Variants in SEMA5A observed in about 807,000 individuals in gnomAD.
The protein encoded by SEMA5A is semaphorin-5A.
A neutral mutation model predicts 135.5 loss-of-function variants in SEMA5A; 55 were observed. The ratio of observed to expected loss-of-function variants is 0.41; its 90% CI spans 0.33 to 0.51. The LOEUF (loss-of-function observed/expected upper bound fraction) is 0.51. Ranked by LOEUF, SEMA5A falls within the 20% of genes least tolerant of loss-of-function variation. SEMA5A has a pLI of 0.37. For synonymous variants in SEMA5A, 580 were observed against 546.5 expected, an observed-to-expected ratio of 1.06 and a Z score of -0.85; for missense variants, 1,290 against 1,419.9, an observed-to-expected ratio of 0.91 and a Z score of 1.47.
intron 5 of SEMA5A, among the ~76,000 whole-genome samples, chr5:9,244,168 A>G (rs1464251071): frequency 6.6e-6 from 1 of 152,232 alleles, no homozygotes; most frequent in Non-Finnish European, 1.5e-5. Flanking sequence ...CATCTTCTGT[A>G]TAAGAACACA....
chr5:9,404,144 G>A (rs149534784), intron 2 of SEMA5A, among the ~76,000 whole-genome samples: 3 of 152,250 alleles, frequency 2.0e-5, no homozygotes, highest in South Asian at 4.2e-4. Context: ...ATGTTGGCTA[G>A]GCTGGTCTTG....
intron 2 of SEMA5A, among the ~76,000 whole-genome samples, chr5:9,397,080 A>C (rs1341661911): frequency 6.6e-6 from 1 of 152,186 alleles, no homozygotes; most frequent in Non-Finnish European, 1.5e-5. Context: ...AAAGAAGACA[A>C]AATAAAATCA....
intron 8 of SEMA5A, among the ~76,000 whole-genome samples, chr5:9,205,514 G>T (rs1210728089): frequency 2.0e-5 from 3 of 151,998 alleles, no homozygotes; most frequent in Non-Finnish European, 4.4e-5. Context: ...ATCCACTTTT[G>T]CAGACAAGGA....
At chr5:9,402,156 CA>C (rs981097129) in intron 2 of SEMA5A, among the ~76,000 whole-genome samples, 17 of 152,158 alleles carry the variant, frequency 1.1e-4, no homozygotes, top group Non-Finnish European at 5.9e-5. Context: ...GTAATTACTA[CA>C]ATTAACAAGG....
intron 13 of SEMA5A, among the ~76,000 whole-genome samples, chr5:9,127,119 T>C (rs986696915): frequency 1.3e-5 from 2 of 152,212 alleles, no homozygotes; most frequent in Non-Finnish European, 2.9e-5. Context: ...CTCTGTGTTA[T>C]TATATGTAAA....
intron 1 of SEMA5A, among the ~76,000 whole-genome samples, chr5:9,524,652 G>A (rs1688445353): frequency 6.6e-6 from 1 of 152,144 alleles, no homozygotes; most frequent in Non-Finnish European, 1.5e-5. Flanking sequence ...ATTTGTTATA[G>A]TAGCCCTAAG....
intron 1 of SEMA5A, among the ~76,000 whole-genome samples, chr5:9,444,808 A>C (rs968027550): frequency 2.6e-5 from 4 of 152,292 alleles, no homozygotes; most frequent in Admixed American, 6.5e-5. Context: ...CCATCTCTTA[A>C]CGGTTTTTCT....
chr5:9,417,154 C>A (rs1037701804), intron 2 of SEMA5A, among the ~76,000 whole-genome samples: 2 of 152,192 alleles, frequency 1.3e-5, no homozygotes, highest in Non-Finnish European at 2.9e-5. Flanking sequence ...CATTTGAATT[C>A]TCTCCTGTAT....
At position 9,037,001 on chromosome 5, in the gene SEMA5A, C is replaced by G. The variant is rs2150009220; in HGVS notation, c.*5896G>C. 1 of 152,296 alleles carries G rather than the reference C, an allele frequency of 6.6e-6. No individual in the cohort carries two copies. Among genetic ancestry groups the G allele is most frequent in the Non-Finnish European group, 1.5e-5 (1 of 68,026 alleles). 9.4% of individuals were successfully genotyped at this position (152,296 alleles called of 1,614,324 possible). On this transcript the variant is annotated 3_prime_UTR_variant, in exon 23 of 23. Transcript: ENST00000382496. ...GAATCATTTTATTACTGCCATTCAT[C>G]TAACATTTGGAATATTTGGCATTAA...
At chr5:9,359,217 A>AG (rs1305769998) in intron 3 of SEMA5A, among the ~76,000 whole-genome samples, 4 of 152,248 alleles carry the variant, frequency 2.6e-5, no homozygotes, top group African/African-American at 4.8e-5. Flanking sequence ...CCAGGAATCT[A>AG]GCCTCTGCTC....
Position 9,224,807 on chromosome 5 carries a change from C to G in SEMA5A, c.513G>C (p.Ala171=), listed in dbSNP as rs147411573. The change falls in exon 8 of 23, where the codon GCG becomes GCC. Residue 171 remains alanine, a synonymous_variant. Coordinates refer to ENST00000382496, the MANE Select transcript of SEMA5A (RefSeq NM_003966.3). ...CPYSPQHNST[A]LLTAGGELYA... The stretch of plus-strand genomic sequence containing the variant: ...AGAGCTCCCCACCAGCTGTGAGGAG[C>G]GCTGTGGAATTGTGCTGGGGACTGT... The G allele has an allele frequency of 1.2e-6, 2 of 1,614,086 alleles. No homozygotes were observed.
chr5:9,124,720 T>C (rs1741011983), intron 13 of SEMA5A, among the ~76,000 whole-genome samples: 1 of 152,154 alleles, frequency 6.6e-6, no homozygotes, highest in African/African-American at 2.4e-5. Flanking sequence ...CCTCTCAAAG[T>C]GCTGGGATTA....
In SEMA5A at chr5:9,100,215, T is replaced by C. The variant is rs548414647; in HGVS notation, c.2073+7925A>G. Among the ~76,000 whole-genome samples, 53 of 152,314 alleles carry C rather than the reference T, an allele frequency of 3.5e-4. No homozygotes were observed. In the South Asian group the frequency reaches 9.5e-3, roughly 27 times the overall value. On this transcript the variant is annotated intron_variant, in intron 16 of 22. Coordinates refer to ENST00000382496, the MANE Select transcript of SEMA5A (RefSeq NM_003966.3). ...TATTGGACTGCAGCCTCAGAAATCC[T>C]GTTCTTATTGGTCCATTCTACTATG...
intron 2 of SEMA5A, among the ~76,000 whole-genome samples, chr5:9,389,788 A>T (rs1756071026): frequency 6.6e-6 from 1 of 151,976 alleles, no homozygotes; most frequent in Non-Finnish European, 1.5e-5. Flanking sequence ...CCTTCTATGA[A>T]TTTTTTCCCA....
chr5:9,382,958 G>A (rs1755681499), intron 2 of SEMA5A, among the ~76,000 whole-genome samples: 1 of 152,202 alleles, frequency 6.6e-6, no homozygotes, highest in Admixed American at 6.5e-5. Flanking sequence ...TCAAGACAAG[G>A]GAAGAGTATA....
chr5:9,258,901 G>A (rs1363282298), intron 5 of SEMA5A, among the ~76,000 whole-genome samples: 1 of 126,690 alleles, frequency 7.9e-6, no homozygotes, highest in East Asian at 2.7e-4. Context: ...TGGAACCTCT[G>A]CCTCCTGGGT....
chr5:9,365,969 CT>C (rs200563286), intron 3 of SEMA5A, among the ~76,000 whole-genome samples: 2,077 of 152,286 alleles, frequency 0.014, 29 homozygotes, highest in Non-Finnish European at 0.016. Context: ...CCCTGCACTG[CT>C]TACTCTTTGC....
chr5:9,332,491 G>A (rs1753192793), intron 4 of SEMA5A, among the ~76,000 whole-genome samples: 2 of 148,918 alleles, frequency 1.3e-5, no homozygotes, highest in Admixed American at 6.7e-5. Flanking sequence ...ACTCACATTG[G>A]GCCAGGTGTA....
chr5:9,523,736 A>G (rs1175439767), intron 1 of SEMA5A, among the ~76,000 whole-genome samples: 2 of 152,220 alleles, frequency 1.3e-5, no homozygotes, highest in Non-Finnish European at 2.9e-5. Flanking sequence ...GACAAGGTCC[A>G]GTGCAAATAA....
Sources: allele counts gnomAD v4.1 joint callset (sites outside exome capture counted in the v4.1 genomes callset), GRCh38; gene constraint gnomAD v4.1.1; transcripts MANE v1.5; gene names NCBI Gene and HGNC (gene_info 2026-07-23, HGNC 2026-07-21).